The following CLSTN1 variants were observed in gnomAD, a reference collection of about 807,000 sequenced individuals.
CLSTN1 encodes calsyntenin 1, also known as calsyntenin-1.
Under a neutral mutation model 108.3 loss-of-function variants are expected in CLSTN1, and 28 were observed. That is an observed-to-expected ratio of 0.26 (90% CI 0.19 to 0.35). CLSTN1 has a LOEUF of 0.35. Ranked by LOEUF, CLSTN1 falls within the 10% of genes least tolerant of loss-of-function variation. The pLI, the probability that CLSTN1 is intolerant of heterozygous loss-of-function variation, is 1.00. For synonymous variants in CLSTN1, 524 were observed against 534.9 expected (o/e 0.98, Z 0.28); for missense variants, 1,157 against 1,302.6 (o/e 0.89, Z 1.72).
At position 9,823,685 on chromosome 1, in the gene CLSTN1, G is replaced by C. The variant is rs1429374940; in HGVS notation, c.49C>G (p.Leu17Val). 8 of 1,160,588 alleles carry C rather than the reference G, an allele frequency of 6.9e-6. No homozygotes were observed. The highest frequency in any genetic ancestry group is 8.5e-6 in the Non-Finnish European group (8 of 941,786). The allele number at this position is 1,160,588 out of a possible 1,614,324, so 71.9% of individuals were successfully genotyped here. Residue 17 changes from leucine (L) to valine (V), a missense_variant, in exon 1 of 19, where the codon CTG becomes GTG. By Grantham distance (32) the Leu-to-Val change is conservative. Transcript: ENST00000377298. This position sits in a 1 kb window ranked among gnomAD's most constrained non-coding sequence, Gnocchi z 6.3. ...PALAPAARLL[L>V]AGLLCGGGVW... ...CCGCCGCCGCACAGCAGCCCGGCCA[G>C]CAGCAGCCGGGCGGCCGGGGCCAGC...
chr1:9,778,815 G>C (rs1653090167), intron 1 of CLSTN1, among the ~76,000 whole-genome samples: 1 of 151,654 alleles, frequency 6.6e-6, no homozygotes, highest in South Asian at 2.1e-4. Flanking sequence ...AGGAGTTCGA[G>C]ACCAGCCTGG....
rs767988315 is a variant in CLSTN1, at chr1:9,730,598, G to C, written c.2856C>G (p.Ser952Arg). The change falls in exon 19 of 19, where the codon AGC (serine) becomes AGG (arginine). Residue 952 changes from serine (S) to arginine (R), a missense_variant. Transcript: ENST00000377298. The surrounding 1 kb of genome is among the most constrained non-coding windows in gnomAD (Gnocchi z 5.6). ...CCTGCTCCCCCTCCTCCTCCTCGCT[G>C]CTCTCCGACTCGGCGCTGGTGATGT... is the stretch of plus-strand genomic sequence containing the variant. ...EDDITSAESE[S>R]SEEEEGEQGD... 1 of 1,610,096 alleles carries C rather than the reference G, an allele frequency of 6.2e-7. No individual in the cohort carries two copies. The highest frequency in any genetic ancestry group is 8.5e-7 in the Non-Finnish European group (1 of 1,179,888).
intron 7 of CLSTN1, among the ~76,000 whole-genome samples, chr1:9,747,819 G>A (rs140489638): frequency 0.017 from 2,579 of 152,124 alleles, 73 homozygotes; most frequent in African/African-American, 0.056. Context: ...CGAGGTGGGC[G>A]GATCACGAGG....
chr1:9,773,255 G>C lies in CLSTN1; in HGVS notation c.214+17C>G. The C allele has an allele frequency of 6.2e-7, 1 of 1,613,562 alleles. No homozygotes were observed. Among genetic ancestry groups the C allele is most frequent in the Non-Finnish European group, 8.5e-7 (1 of 1,179,712 alleles). On this transcript the variant is annotated intron_variant, in intron 2 of 18. Transcript: ENST00000377298. ...CAGGCCCGATTCATCAAGAGTCAATGAAAGCCCCGTTCCTACCTGCAAATC... is the reference window on the plus strand; with the variant it reads ...CAGGCCCGATTCATCAAGAGTCAATCAAAGCCCCGTTCCTACCTGCAAATC...
At chr1:9,804,033 A>C (rs1253420232) in intron 1 of CLSTN1, among the ~76,000 whole-genome samples, 1 of 152,120 alleles carries the variant, frequency 6.6e-6, no homozygotes, top group Non-Finnish European at 1.5e-5. Flanking sequence ...TTTAACGTTT[A>C]CTTATATTTT....
chr1:9,803,833 A>T (rs1032857388), intron 1 of CLSTN1, among the ~76,000 whole-genome samples: 20 of 152,132 alleles, frequency 1.3e-4, no homozygotes, highest in Admixed American at 1.3e-4. Context: ...AATTTTTTTT[A>T]AAAAGTGTTT....
At chr1:9,731,097 A>G (rs1650359739) in intron 18 of CLSTN1, 109 bp downstream of exon 18, 2 of 1,298,854 alleles carry the variant, frequency 1.5e-6, no homozygotes, top group Admixed American at 1.7e-5. Context: ...TGCTGAGCAG[A>G]TGACGCGATG....
At position 9,757,537 on chromosome 1, in the gene CLSTN1, A is replaced by G. The variant is rs117277483; in HGVS notation, c.215-1027T>C. 4.3e-3 allele frequency among the ~76,000 whole-genome samples: 660 copies of G among 152,270 alleles called. 11 individuals are homozygous for G. Among genetic ancestry groups the G allele is most frequent in the East Asian group, 0.043 (221 of 5,182 alleles). On this transcript the variant is annotated intron_variant, in intron 2 of 18. Transcript: ENST00000377298. The stretch of plus-strand genomic sequence containing the variant: ...ATTACAGGCGTGAGCCACCGCACCC[A>G]GCCGAACAAAAGGTTTTAACCCTTT...
At chr1:9,749,308 T>C (rs1416002309) in intron 7 of CLSTN1, among the ~76,000 whole-genome samples, 153 bp downstream of exon 7, 1 of 152,150 alleles carries the variant, frequency 6.6e-6, no homozygotes, top group Admixed American at 6.6e-5. Context: ...GTATGAAAAC[T>C]AGCCAGCAAG....
rs1017926249 is a variant in CLSTN1 at position 9,734,939 on chromosome 1, G to T, written c.2110+9C>A. On this transcript the variant is annotated intron_variant, in intron 14 of 18. Transcript: ENST00000377298. This position sits in a 1 kb window ranked among gnomAD's most constrained non-coding sequence, Gnocchi z 4.8. ...GGCGAGGGAGCCCGCGCCCCACAGA[G>T]CACATTACCTGTGGGGTCCTCAGCC... 1 of 1,609,734 alleles carries T rather than the reference G, an allele frequency of 6.2e-7. No individual in the cohort carries two copies.
intron 1 of CLSTN1, among the ~76,000 whole-genome samples, chr1:9,811,674 C>CTG (rs1654760204): frequency 6.9e-6 from 1 of 144,436 alleles, no homozygotes. Flanking sequence ...AAATGAAATT[C>CTG]AAGTCAGTGT....
chr1:9,782,719 G>C (rs1044006553), intron 1 of CLSTN1, among the ~76,000 whole-genome samples: 1 of 152,160 alleles, frequency 6.6e-6, no homozygotes, highest in Admixed American at 6.5e-5. Flanking sequence ...AGAGAGGCTA[G>C]ACCCGGGCCG....
chr1:9,733,776 G>A (rs1426047208), intron 15 of CLSTN1, among the ~76,000 whole-genome samples, 196 bp downstream of exon 15: 1 of 152,202 alleles, frequency 6.6e-6, no homozygotes, highest in African/African-American at 2.4e-5. Flanking sequence ...TTAGAGAGTA[G>A]TGGCTACACA....
At chr1:9,739,465 G>A (rs947497883) in intron 10 of CLSTN1, among the ~76,000 whole-genome samples, 2 of 152,164 alleles carry the variant, frequency 1.3e-5, no homozygotes, top group Non-Finnish European at 2.9e-5. Context: ...TGAATCCTAT[G>A]TATTTATTTT....
intron 10 of CLSTN1, 105 bp from the exon 11 acceptor site, chr1:9,737,659 G>A (rs1650765143): frequency 2.0e-6 from 2 of 988,446 alleles, no homozygotes; most frequent in South Asian, 1.3e-5. Flanking sequence ...AAAACATGAA[G>A]AGAAAATTCC....
intron 1 of CLSTN1, among the ~76,000 whole-genome samples, chr1:9,804,076 C>A (rs959877320): frequency 6.6e-6 from 1 of 151,716 alleles, no homozygotes; most frequent in Non-Finnish European, 1.5e-5. Context: ...TTATTAAAGG[C>A]GAGGGGCCGG....
intron 5 of CLSTN1, among the ~76,000 whole-genome samples, chr1:9,750,858 C>T (rs749442180): frequency 6.6e-6 from 1 of 151,954 alleles, no homozygotes; most frequent in Non-Finnish European, 1.5e-5. Flanking sequence ...CAAGACCAGT[C>T]TGGCCAACAT....
chr1:9,789,364 T>C lies in CLSTN1; in HGVS notation c.92-15970A>G, dbSNP rs576156091. Among the ~76,000 whole-genome samples the C allele has an allele frequency of 2.0e-3, 310 of 151,584 alleles. 4 individuals are homozygous for C. Among genetic ancestry groups the C allele is most frequent in the African/African-American group, 7.3e-3 (302 of 41,552 alleles). On this transcript the variant is annotated intron_variant, in intron 1 of 18. Coordinates refer to ENST00000377298, the MANE Select transcript of CLSTN1 (RefSeq NM_001009566.3). ...CCAGCACTTGTTATTTTCTGCTTTTTGATAGACCATCCTAACAGATGAAAC... is the reference window on the plus strand; with the variant it reads ...CCAGCACTTGTTATTTTCTGCTTTTCGATAGACCATCCTAACAGATGAAAC...
rs555544601 is a variant in CLSTN1 at position 9,756,180 on chromosome 1, T to C, written c.244+301A>G. ...ATTTCACATGAAAATAAGACTGCACTCCTTCCACAATTCCAACTAATAGAA... is the reference window on the plus strand; with the variant it reads ...ATTTCACATGAAAATAAGACTGCACCCCTTCCACAATTCCAACTAATAGAA... On this transcript the variant is annotated intron_variant, in intron 3 of 18. Transcript: ENST00000377298. Among the ~76,000 whole-genome samples the C allele has an allele frequency of 3.3e-5, 5 of 152,344 alleles. No homozygotes were observed. In the East Asian group the frequency reaches 7.7e-4, roughly 24 times the overall value.
Sources: gnomAD v4.1 joint callset for allele counts (sites outside exome capture counted in the v4.1 genomes callset) on GRCh38, gnomAD v4.1.1 for gene constraint, Gnocchi (gnomAD v3.1) non-coding constraint, MANE v1.5 for transcripts, NCBI Gene and HGNC (gene_info 2026-07-23, HGNC 2026-07-21) for gene names.